FBXL18: variants seen among roughly 807,000 people sequenced by gnomAD.
FBXL18 encodes the protein F-box/LRR-repeat protein 18.
In FBXL18, 36 loss-of-function variants were observed where a neutral mutation model predicts 46.0. The ratio of observed to expected loss-of-function variants is 0.78; its 90% CI spans 0.60 to 1.03. The LOEUF is 1.03. FBXL18 is among the 50% of genes least tolerant of loss of function. The pLI is 0.00. For missense variants in FBXL18, 977 were observed against 1,004.1 expected (o/e 0.97, Z 0.36); for synonymous variants, 557 against 465.3 (o/e 1.20, Z -2.54).
chr7:5,487,008 C>T (rs572823964), intron 4 of FBXL18, among the ~76,000 whole-genome samples: 13 of 152,394 alleles, frequency 8.5e-5, no homozygotes, highest in Admixed American at 7.8e-4. Context: ...TCCTTCCGCG[C>T]CCAGGGCGCA....
At chr7:5,491,811 G>C (rs1783934834) in intron 3 of FBXL18, among the ~76,000 whole-genome samples, 2 of 152,190 alleles carry the variant, frequency 1.3e-5, no homozygotes, top group Non-Finnish European at 2.9e-5. Context: ...GGTGTGCTGG[G>C]CAGCGGATGC....
intron 2 of FBXL18, among the ~76,000 whole-genome samples, chr7:5,504,000 A>G (rs1784331480): frequency 6.6e-6 from 1 of 150,666 alleles, no homozygotes; most frequent in Admixed American, 6.6e-5. Context: ...ATGTACACCG[A>G]GAGGCACTGG....
intron 4 of FBXL18, among the ~76,000 whole-genome samples, chr7:5,483,537 G>A (rs1783700238): frequency 6.6e-6 from 1 of 151,998 alleles, no homozygotes; most frequent in Non-Finnish European, 1.5e-5. Context: ...CTGAGGTCGG[G>A]AGTTCGAGAC....
At chr7:5,512,573 A>G (rs536526954) in intron 1 of FBXL18, among the ~76,000 whole-genome samples, 1 of 152,024 alleles carries the variant, frequency 6.6e-6, no homozygotes, top group Admixed American at 6.6e-5. Context: ...CCGCTGCACT[A>G]CAGCCTGGGC....
intron 4 of FBXL18, among the ~76,000 whole-genome samples, chr7:5,488,570 C>A (rs1783834502): frequency 6.6e-6 from 1 of 152,194 alleles, no homozygotes; most frequent in Non-Finnish European, 1.5e-5. Context: ...GTCTGAGGGC[C>A]CCAGACTCAC....
At chr7:5,483,806 G>C (rs1783707134) in intron 4 of FBXL18, among the ~76,000 whole-genome samples, 1 of 152,102 alleles carries the variant, frequency 6.6e-6, no homozygotes, top group Non-Finnish European at 1.5e-5. Flanking sequence ...GTGCAAGGCA[G>C]GGAGTTACCC....
At chr7:5,504,133 G>C (rs1032485676) in intron 2 of FBXL18, among the ~76,000 whole-genome samples, 5 of 151,104 alleles carry the variant, frequency 3.3e-5, no homozygotes, top group African/African-American at 9.7e-5. Flanking sequence ...CCCTCCAGCA[G>C]AAAGAGCTAA....
chr7:5,463,712 A>ATATATATATATATT (rs1783292419), intron 4 of FBXL18, among the ~76,000 whole-genome samples: 1 of 56,470 alleles, frequency 1.8e-5, no homozygotes, highest in Non-Finnish European at 3.2e-5. Flanking sequence ...ATATTTATTT[A>ATATATATATATATT]TTTATTTATT....
At chr7:5,512,251 A>G (rs1267285027) in intron 1 of FBXL18, among the ~76,000 whole-genome samples, 4 of 144,406 alleles carry the variant, frequency 2.8e-5, no homozygotes, top group Admixed American at 7.0e-5. Flanking sequence ...TCTCAAAAAA[A>G]AAAAAGAAAA....
At chr7:5,493,655 T>G (rs945733370) in intron 3 of FBXL18, among the ~76,000 whole-genome samples, 5 of 144,924 alleles carry the variant, frequency 3.5e-5, no homozygotes, top group African/African-American at 1.3e-4. Flanking sequence ...TTATTTACTT[T>G]TGTGTGTGTG....
intron 4 of FBXL18, among the ~76,000 whole-genome samples, chr7:5,467,622 C>G (rs534480440): frequency 6.6e-6 from 1 of 152,182 alleles, no homozygotes; most frequent in East Asian, 1.9e-4. Flanking sequence ...CTGTCCTTCC[C>G]GTTTCGAGGG....
chr7:5,490,409 A>G (rs187135537), intron 4 of FBXL18, among the ~76,000 whole-genome samples: 2 of 152,300 alleles, frequency 1.3e-5, no homozygotes, highest in East Asian at 3.9e-4. Flanking sequence ...GTTCAATTCT[A>G]GGTGCTCACC....
chr7:5,459,845 AG>A (rs1305977698), intron 4 of FBXL18, among the ~76,000 whole-genome samples: 1 of 152,062 alleles, frequency 6.6e-6, no homozygotes, highest in Non-Finnish European at 1.5e-5. Context: ...CCCAGGAGGC[AG>A]AGGCTGCCGT....
At chr7:5,467,530 A>G (rs1171662635) in intron 4 of FBXL18, among the ~76,000 whole-genome samples, 5 of 151,184 alleles carry the variant, frequency 3.3e-5, no homozygotes, top group Non-Finnish European at 1.5e-5. Flanking sequence ...TGGGAGGCAG[A>G]GTGAGACTCC....
At chr7:5,472,471 C>T (rs577293312), downstream of FBXL18, among the ~76,000 whole-genome samples, 21 of 152,266 alleles carry the variant, frequency 1.4e-4, no homozygotes, top group South Asian at 3.5e-3. Context: ...CCAGCTGCCA[C>T]GCTGTGAGGA....
At chr7:5,488,883 C>T (rs1414281959) in intron 4 of FBXL18, among the ~76,000 whole-genome samples, 1 of 152,212 alleles carries the variant, frequency 6.6e-6, no homozygotes, top group Non-Finnish European at 1.5e-5. Context: ...ACCGCCTGTT[C>T]CCAAGCCCAC....
rs1476977786 is a variant in FBXL18 at position 5,500,851 on chromosome 7, G to C, written c.1418C>G (p.Ser473Cys). ...GTTCTTCAGCAGAGACCAGAACACG[G>C]AGGAGGGCTGGGGGCACGCCTGGCC... ...FSGQACPQPS[S>C]VFWSLLKNLP... Residue 473 changes from serine (S) to cysteine (C), a missense_variant, in exon 3 of 5, where the codon TCC (serine) becomes TGC (cysteine). By Grantham distance (112) the Ser-to-Cys change is moderately radical. Transcript: ENST00000382368. 7 of 1,609,218 alleles carry C rather than the reference G, an allele frequency of 4.3e-6. No homozygotes were observed. Among genetic ancestry groups the C allele is most frequent in the Non-Finnish European group, 5.9e-6 (7 of 1,177,524 alleles).
rs1048765569 is a variant in FBXL18 at position 5,455,424 on chromosome 7, G to A, written c.2001-7581C>T. ...GAGTACTCTTGGGGAGCCTATCTGGGGAGTAGCATCAAGGAGCACTCTCGT... is the reference window on the plus strand; with the variant it reads ...GAGTACTCTTGGGGAGCCTATCTGGAGAGTAGCATCAAGGAGCACTCTCGT... On this transcript the variant is annotated intron_variant and NMD_transcript_variant, in intron 4 of 6. Coordinates refer to the FBXL18 transcript ENST00000415009. This position sits in a 1 kb window ranked among gnomAD's most constrained non-coding sequence, Gnocchi z 4.6. Among the ~76,000 whole-genome samples, 1 of 152,068 alleles carries A rather than the reference G, an allele frequency of 6.6e-6. No individual in the cohort carries two copies. The highest frequency in any genetic ancestry group is 6.6e-5 in the Admixed American group (1 of 15,266).
In FBXL18 at chr7:5,501,723, A is replaced by G; in HGVS notation, c.546T>C (p.Thr182=). 1 of 1,579,816 alleles carries G rather than the reference A, an allele frequency of 6.3e-7. No homozygotes were observed. Among genetic ancestry groups the G allele is most frequent in the Non-Finnish European group, 8.6e-7 (1 of 1,162,502 alleles). The change falls in exon 3 of 5, where the codon ACT becomes ACC. Residue 182 remains threonine (T), a synonymous_variant. Coordinates refer to ENST00000382368, the MANE Select transcript of FBXL18 (RefSeq NM_024963.6). ...AGCAGGGCACCACGCCGTAGGAGGGAGTGAACAGCGTCTGCTTGAGCTCCC... is the reference window on the plus strand; with the variant it reads ...AGCAGGGCACCACGCCGTAGGAGGGGGTGAACAGCGTCTGCTTGAGCTCCC... The part of the protein sequence containing the change: ...RVRELKQTLF[T]PSYGVVPCCT...
Sources: gnomAD v4.1 joint callset for allele counts (sites outside exome capture counted in the v4.1 genomes callset) on GRCh38, gnomAD v4.1.1 for gene constraint, Gnocchi (gnomAD v3.1) non-coding constraint, MANE v1.5 for transcripts, NCBI Gene and HGNC (gene_info 2026-07-23, HGNC 2026-07-21) for gene names.